The following PDE11A variants were observed in gnomAD, a reference collection of about 807,000 sequenced individuals.
The protein encoded by PDE11A is dual 3',5'-cyclic-AMP and -GMP phosphodiesterase 11A.
Under a neutral mutation model 100.5 loss-of-function variants are expected in PDE11A, and 100 were observed. That is an observed-to-expected ratio of 1.00 (90% CI 0.85 to 1.18). The LOEUF (loss-of-function observed/expected upper bound fraction) is 1.18. Ranked by LOEUF, PDE11A falls within the 50% of genes most tolerant of loss-of-function variation. The pLI is 0.00. For synonymous variants in PDE11A, 381 were observed against 420.8 expected (o/e 0.91, Z 1.16); for missense variants, 1,141 against 1,152.6 (o/e 0.99, Z 0.15).
chr2:178,027,020 A>G (rs1277140993), intron 1 of PDE11A, among the ~76,000 whole-genome samples: 1 of 152,196 alleles, frequency 6.6e-6, no homozygotes, highest in Non-Finnish European at 1.5e-5. Flanking sequence ...TATAGTATTA[A>G]TCATTTAAGA....
At chr2:177,841,461 C>T (rs746933111) in intron 5 of PDE11A, among the ~76,000 whole-genome samples, 4 of 152,166 alleles carry the variant, frequency 2.6e-5, no homozygotes, top group Non-Finnish European at 5.9e-5. Flanking sequence ...ACTCTATTGA[C>T]TTTTTAATCT....
intron 1 of PDE11A, among the ~76,000 whole-genome samples, chr2:178,037,840 T>G (rs1003375589): frequency 1.3e-5 from 2 of 151,204 alleles, no homozygotes; most frequent in Admixed American, 6.6e-5. Flanking sequence ...ATGGACACAG[T>G]GAGGGGAACA....
At chr2:177,718,531 T>C (rs2105435654) in intron 12 of PDE11A, among the ~76,000 whole-genome samples, 1 of 152,342 alleles carries the variant, frequency 6.6e-6, no homozygotes, top group South Asian at 2.1e-4. Flanking sequence ...TTAGTTTAAA[T>C]ATGGCTCTGT....
chr2:178,005,197 T>A (rs2086191906), intron 2 of PDE11A, among the ~76,000 whole-genome samples: 1 of 151,894 alleles, frequency 6.6e-6, no homozygotes. Context: ...TCAGTCACAA[T>A]TTATCATAGT....
chr2:177,679,070 A>G (rs2080822207), intron 16 of PDE11A, among the ~76,000 whole-genome samples: 1 of 143,718 alleles, frequency 7.0e-6, no homozygotes, highest in South Asian at 2.1e-4. Flanking sequence ...TGCAGAATCC[A>G]AGGCTGTAGA....
At chr2:177,637,037 T>G (rs1356008795) in intron 19 of PDE11A, among the ~76,000 whole-genome samples, 2 of 151,426 alleles carry the variant, frequency 1.3e-5, no homozygotes, top group Non-Finnish European at 2.9e-5. Flanking sequence ...CCTCACCTCC[T>G]TTTTCTGAAG....
At chr2:178,071,458 A>T in intron 1 of PDE11A, 68 bp downstream of exon 1, 1 of 1,603,228 alleles carries the variant, frequency 6.2e-7, no homozygotes, top group South Asian at 1.1e-5. Context: ...TGGATGCCAG[A>T]TGATAACCGA....
rs116703590 is a variant in PDE11A at position 177,865,608 on chromosome 2, A to T, written c.1367+10251T>A. Reference sequence around the variant, plus strand: ...TAATAGCCAAAAAAGTAGAAACAACATCATCAACTGATGAATAAGAAACAT... The same window carrying T: ...TAATAGCCAAAAAAGTAGAAACAACTTCATCAACTGATGAATAAGAAACAT... On this transcript the variant is annotated intron_variant, in intron 5 of 19. Transcript: ENST00000286063. 7.9e-3 allele frequency among the ~76,000 whole-genome samples: 1,206 copies of T among 152,338 alleles called. 18 individuals are homozygous for T. The highest frequency in any genetic ancestry group is 0.027 in the African/African-American group (1,116 of 41,572).
At chr2:178,100,570 A>T (rs1384123730) in intron 2 of PDE11A, among the ~76,000 whole-genome samples, 1 of 152,196 alleles carries the variant, frequency 6.6e-6, no homozygotes, top group East Asian at 1.9e-4. Flanking sequence ...TTACTTTAAA[A>T]TCCTAGTGCA....
chr2:177,781,840 T>C (rs1034311678), intron 9 of PDE11A, among the ~76,000 whole-genome samples: 1 of 152,220 alleles, frequency 6.6e-6, no homozygotes, highest in Admixed American at 6.5e-5. Flanking sequence ...CAAAGAGATA[T>C]GCCGTTTTTG....
At chr2:177,801,523 T>C (rs2082795797) in intron 9 of PDE11A, among the ~76,000 whole-genome samples, 1 of 152,094 alleles carries the variant, frequency 6.6e-6, no homozygotes, top group Non-Finnish European at 1.5e-5. Context: ...TAAGCCCACA[T>C]TGGAGTTAAT....
At chr2:177,989,395 C>T (rs963622388) in intron 2 of PDE11A, among the ~76,000 whole-genome samples, 4 of 152,110 alleles carry the variant, frequency 2.6e-5, no homozygotes, top group African/African-American at 9.7e-5. Flanking sequence ...TACTCAGAGG[C>T]GAGCTACAAA....
At chr2:177,842,849 T>C (rs13018609) in intron 5 of PDE11A, among the ~76,000 whole-genome samples, 31,578 of 152,124 alleles carry the variant, frequency 0.21, 3,371 homozygotes, top group Middle Eastern at 0.26. Context: ...ATGACAGATA[T>C]TCTGTAAGCC....
At chr2:178,015,109 C>G (rs2086319198) in intron 1 of PDE11A, among the ~76,000 whole-genome samples, 2 of 152,146 alleles carry the variant, frequency 1.3e-5, no homozygotes, top group Admixed American at 6.5e-5. Context: ...AGTATAGTCA[C>G]ACAGTCTCAA....
intron 19 of PDE11A, among the ~76,000 whole-genome samples, chr2:177,652,596 GAC>G (rs1215622434): frequency 6.6e-6 from 1 of 152,156 alleles, no homozygotes; most frequent in Non-Finnish European, 1.5e-5. Context: ...CTCTGGTGGT[GAC>G]ATGGAGCCTT....
Position 177,646,808 on chromosome 2 carries a change from C to T in PDE11A, c.2646+17058G>A, listed in dbSNP as rs138341075. Among the ~76,000 whole-genome samples, 150 of 152,336 alleles carry T rather than the reference C, an allele frequency of 9.8e-4. 3 individuals are homozygous for T. The highest frequency in any genetic ancestry group is 3.5e-3 in the African/African-American group (146 of 41,588). ...GTCTGTGCATCTTTTATCTTTGACT[C>T]ATCTACTCTACCCTGCCCTGGGAAA... On this transcript the variant is annotated intron_variant, in intron 19 of 19. Transcript: ENST00000286063.
intron 2 of PDE11A, among the ~76,000 whole-genome samples, chr2:178,087,581 G>T (rs2087374891): frequency 1.3e-5 from 2 of 152,114 alleles, no homozygotes; most frequent in Admixed American, 1.3e-4. Flanking sequence ...GACTTGGAAG[G>T]GAGGAGGAGA....
chr2:177,639,154 G>C (rs1413352235), intron 19 of PDE11A, among the ~76,000 whole-genome samples: 2 of 152,222 alleles, frequency 1.3e-5, no homozygotes, highest in African/African-American at 4.8e-5. Context: ...AGCTGGAACA[G>C]TTGTAGGACT....
chr2:177,861,525 C>A (rs1226737883), intron 5 of PDE11A, among the ~76,000 whole-genome samples: 1 of 151,736 alleles, frequency 6.6e-6, no homozygotes, highest in African/African-American at 2.4e-5. Context: ...TCAATGCAAT[C>A]CCTAAAATAA....
Sources: gnomAD v4.1 joint callset for allele counts (sites outside exome capture counted in the v4.1 genomes callset) on GRCh38, gnomAD v4.1.1 for gene constraint, MANE v1.5 for transcripts, NCBI Gene and HGNC (gene_info 2026-07-23, HGNC 2026-07-21) for gene names.